Variants in WBP2NL observed in about 807,000 individuals in gnomAD.
The protein encoded by WBP2NL is WBP2 N-terminal like, also known as postacrosomal sheath WW domain-binding protein.
In WBP2NL, 27 loss-of-function variants were observed where a neutral mutation model predicts 23.3. That is an observed-to-expected ratio of 1.16 (90% CI 0.85 to 1.60). The LOEUF (loss-of-function observed/expected upper bound fraction) is 1.60, where lower values mean the gene tolerates loss of function less well. Ranked by LOEUF, WBP2NL falls within the 40% of genes most tolerant of loss-of-function variation. WBP2NL has a pLI of 0.00. For synonymous variants in WBP2NL, 151 were observed against 145.9 expected (o/e 1.03, Z -0.25); for missense variants, 370 against 389.5 (o/e 0.95, Z 0.42).
chr22:42,011,416 A>G (rs1922805236), intron 1 of WBP2NL, among the ~76,000 whole-genome samples: 1 of 151,494 alleles, frequency 6.6e-6, no homozygotes, highest in Non-Finnish European at 1.5e-5. Context: ...ACCACACCCA[A>G]CTTTTTTTTT....
chr22:42,001,599 C>A lies in WBP2NL; in HGVS notation c.62+2719C>A. On this transcript the variant is annotated intron_variant, in intron 1 of 5. Coordinates refer to ENST00000328823, the MANE Select transcript of WBP2NL (RefSeq NM_152613.3). ...TACACAAAACACAAGGATGTGGCCC[C>A]AGTGGCACCGCCTGATGCCAGATTC... 4.4e-6 allele frequency: 5 copies of A among 1,144,936 alleles called. No homozygotes were observed. The South Asian group carries it at 6.2e-5, about 14-fold the overall frequency. The allele number at this position is 1,144,936 out of a possible 1,614,324, so 70.9% of individuals were successfully genotyped here. A position where few individuals can be genotyped will look rare whatever the true frequency, so the allele number is the denominator to read the frequency against.
At position 42,010,818 on chromosome 22, in the gene WBP2NL, G is replaced by T. The variant is rs569141093; in HGVS notation, c.63-8493G>T. On this transcript the variant is annotated intron_variant, in intron 1 of 5. Coordinates refer to ENST00000328823, the MANE Select transcript of WBP2NL (RefSeq NM_152613.3). ...CTCCCAAAGAGCTGGGATTACAGGC[G>T]TGAGCCACCACGCCTGGCCAAAAAT... 2.4e-3 allele frequency among the ~76,000 whole-genome samples: 372 copies of T among 152,276 alleles called. 2 individuals are homozygous for T. The highest frequency in any genetic ancestry group is 8.4e-3 in the African/African-American group (349 of 41,542).
At chr22:42,009,728 C>T (rs1922634069) in intron 1 of WBP2NL, among the ~76,000 whole-genome samples, 2 of 152,118 alleles carry the variant, frequency 1.3e-5, no homozygotes, top group South Asian at 4.1e-4. Flanking sequence ...TTGTAATATA[C>T]TTTGAAATCA....
intron 1 of WBP2NL, among the ~76,000 whole-genome samples, chr22:42,008,940 G>A (rs575343967): frequency 3.2e-4 from 48 of 152,156 alleles, no homozygotes; most frequent in African/African-American, 9.9e-4. Flanking sequence ...CACCACGCCC[G>A]GCTAATTTTT....
chr22:42,005,242 G>A (rs1922110986), intron 1 of WBP2NL, among the ~76,000 whole-genome samples: 1 of 151,288 alleles, frequency 6.6e-6, no homozygotes, highest in African/African-American at 2.4e-5. Context: ...GGCCGGGCAT[G>A]GTGGCTCACG....
intron 1 of WBP2NL, among the ~76,000 whole-genome samples, chr22:42,007,317 T>G (rs1169704865): frequency 6.6e-6 from 1 of 152,230 alleles, no homozygotes; most frequent in African/African-American, 2.4e-5. Context: ...TCAAAATGTT[T>G]CTTTGGGATA....
chr22:42,024,210 T>C (rs930759069), intron 5 of WBP2NL, among the ~76,000 whole-genome samples: 2 of 152,246 alleles, frequency 1.3e-5, no homozygotes, highest in African/African-American at 4.8e-5. Context: ...ATTGTACATA[T>C]ATACCACAAT....
chr22:42,009,435 A>G (rs542319694), intron 1 of WBP2NL, among the ~76,000 whole-genome samples: 96 of 152,146 alleles, frequency 6.3e-4, no homozygotes, highest in Non-Finnish European at 1.2e-3. Context: ...TAGGAGTTTT[A>G]TAGTTTTGGG....
intron 1 of WBP2NL, chr22:42,003,365 A>ATCC (rs1921894354): frequency 6.6e-6 from 1 of 152,650 alleles, no homozygotes; most frequent in Non-Finnish European, 1.5e-5. Context: ...GCTCTGTCTT[A>ATCC]CACTAAATGT....
Position 42,020,321 on chromosome 22 carries a change from T to TGAGC in WBP2NL, c.406+226_406+229dup, listed in dbSNP as rs527762680. ...TCCCGAAGTGCTGGGGTTACAGGTA[T>TGAGC]GAGCCACCATGCCCAGCCCACTTTG... On this transcript the variant is annotated intron_variant, in intron 4 of 5. Coordinates refer to ENST00000328823, the MANE Select transcript of WBP2NL (RefSeq NM_152613.3). Among the ~76,000 whole-genome samples, 318 of 152,238 alleles carry TGAGC rather than the reference T, an allele frequency of 2.1e-3. 1 individual carries two copies. The highest frequency in any genetic ancestry group is 3.3e-3 in the Non-Finnish European group (224 of 68,004).
chr22:42,025,867 A>G (rs887257899), intron 5 of WBP2NL, among the ~76,000 whole-genome samples: 14 of 152,248 alleles, frequency 9.2e-5, no homozygotes, highest in African/African-American at 3.4e-4. Flanking sequence ...GAAACAACAA[A>G]AAGAGTCATC....
intron 5 of WBP2NL, among the ~76,000 whole-genome samples, chr22:42,024,300 A>G (rs1411368880): frequency 6.6e-6 from 1 of 152,154 alleles, no homozygotes; most frequent in Non-Finnish European, 1.5e-5. Flanking sequence ...TGCTATGAGC[A>G]TTTGTATATA....
At chr22:42,009,174 G>A (rs1270669718) in intron 1 of WBP2NL, among the ~76,000 whole-genome samples, 1 of 152,140 alleles carries the variant, frequency 6.6e-6, no homozygotes, top group Non-Finnish European at 1.5e-5. Context: ...CCTTGGCCTT[G>A]TGCTGGGATT....
In WBP2NL at chr22:42,011,471, G is replaced by A. The variant is rs569568828; in HGVS notation, c.63-7840G>A. Among the ~76,000 whole-genome samples the A allele has an allele frequency of 1.9e-3, 291 of 151,892 alleles. 3 individuals are homozygous for A. In the South Asian group the frequency reaches 0.058, roughly 30 times the overall value. ...GGTTTTCAAGTTGCCTAGGCTGGTC[G>A]GAAACTCCTGGCCTCGAGCAATCCT... On this transcript the variant is annotated intron_variant, in intron 1 of 5. Transcript: ENST00000328823.
At chr22:42,020,489 G>T (rs1923789098) in intron 4 of WBP2NL, among the ~76,000 whole-genome samples, 2 of 152,104 alleles carry the variant, frequency 1.3e-5, no homozygotes, top group Admixed American at 1.3e-4. Flanking sequence ...CCATGTTACA[G>T]GGTAGGAACA....
intron 2 of WBP2NL, 64 bp from the exon 3 acceptor site, chr22:42,019,598 C>T (rs1268214700): frequency 3.7e-6 from 6 of 1,602,524 alleles, no homozygotes; most frequent in Non-Finnish European, 5.1e-6. Flanking sequence ...GCACCTTGCT[C>T]TTGTAAGTCT....
rs576108914 is a variant in WBP2NL, at chr22:42,027,044, G to A, written c.793G>A (p.Gly265Arg). 2 of 1,614,142 alleles carry A rather than the reference G, an allele frequency of 1.2e-6. No individual in the cohort carries two copies. The highest frequency in any genetic ancestry group is 2.2e-5 in the South Asian group (2 of 91,086). Residue 265 changes from glycine (G) to arginine (R), a missense_variant, in exon 6 of 6, where the codon GGA becomes AGA. Physicochemically the swap from Gly to Arg is moderately radical, Grantham distance 125. Transcript: ENST00000328823. ...PPLGYGAPPA[G>R]NEGPPAGYRA... ...TCTCGGATATGGAGCCCCACCTGCAGGAAATGAAGGCCCGCCTGCGGGATA... is the reference window on the plus strand; with the variant it reads ...TCTCGGATATGGAGCCCCACCTGCAAGAAATGAAGGCCCGCCTGCGGGATA...
intron 8 of WBP2NL, among the ~76,000 whole-genome samples, chr22:42,053,448 T>C (rs919788300): frequency 1.2e-4 from 18 of 151,810 alleles, no homozygotes; most frequent in Non-Finnish European, 1.8e-4. Context: ...TCTTTTTTTT[T>C]CCTCTTTTTC....
At chr22:42,001,302 C>T (rs1921645097) in intron 1 of WBP2NL, 1 of 691,610 alleles carries the variant, frequency 1.4e-6, no homozygotes, top group Middle Eastern at 3.8e-4. Context: ...CCAGCAACGG[C>T]AGTGACAGTC....
Sources: allele counts gnomAD v4.1 joint callset (sites outside exome capture counted in the v4.1 genomes callset), GRCh38; gene constraint gnomAD v4.1.1; transcripts MANE v1.5; gene names NCBI Gene and HGNC (gene_info 2026-07-23, HGNC 2026-07-21).